Variants in TRAPPC9 observed in about 807,000 individuals in gnomAD.
TRAPPC9 encodes IKK2 binding protein.
TRAPPC9 carries 83 observed loss-of-function variants against 124.0 expected under a neutral mutation model. That is an observed-to-expected ratio of 0.67 (90% confidence interval 0.56 to 0.80). TRAPPC9 has a LOEUF of 0.80. Ranked by LOEUF, TRAPPC9 falls within the 30% of genes least tolerant of loss-of-function variation. The pLI, the probability that TRAPPC9 is intolerant of heterozygous loss-of-function variation, is 0.00. For missense variants in TRAPPC9, 1,302 were observed against 1,508.3 expected (o/e 0.86, Z 2.27); for synonymous variants, 638 against 617.5 (o/e 1.03, Z -0.49).
At chr8:140,039,216 C>T (rs1345913886) in intron 17 of TRAPPC9, among the ~76,000 whole-genome samples, 4 of 152,236 alleles carry the variant, frequency 2.6e-5, no homozygotes, top group Admixed American at 6.5e-5. Flanking sequence ...CATGGGGCCA[C>T]GTGCCCTATT....
chr8:140,314,657 GTTTAAA>G (rs2066397603), intron 9 of TRAPPC9, among the ~76,000 whole-genome samples: 1 of 152,080 alleles, frequency 6.6e-6, no homozygotes, highest in African/African-American at 2.4e-5. Context: ...TGAGACAAAC[GTTTAAA>G]AATTTCACAC....
intron 21 of TRAPPC9, among the ~76,000 whole-genome samples, chr8:139,862,901 C>T (rs1414371204): frequency 3.3e-5 from 5 of 152,206 alleles, no homozygotes; most frequent in African/African-American, 4.8e-5. Flanking sequence ...CTCCGTGTGG[C>T]GCCACCTTTC....
chr8:140,026,881 T>C (rs1163491729), intron 17 of TRAPPC9, among the ~76,000 whole-genome samples: 1 of 152,232 alleles, frequency 6.6e-6, no homozygotes, highest in Admixed American at 6.5e-5. Context: ...AGATTTTTTT[T>C]TAATATTCAA....
At chr8:139,990,499 A>G (rs1837567302) in intron 18 of TRAPPC9, among the ~76,000 whole-genome samples, 1 of 152,210 alleles carries the variant, frequency 6.6e-6, no homozygotes, top group Non-Finnish European at 1.5e-5. Flanking sequence ...CTTTGTCAAA[A>G]GGCCACGGGG....
Position 139,784,620 on chromosome 8 carries a change from T to A in TRAPPC9, c.3056-52418A>T, listed in dbSNP as rs1267343740. On this transcript the variant is annotated intron_variant, in intron 21 of 22. Coordinates refer to ENST00000438773, the MANE Select transcript of TRAPPC9 (RefSeq NM_001160372.4). ...AATAAAAGACTGACATATATATATATATATATATATATATATATATATATA... is the reference window on the plus strand; with the variant it reads ...AATAAAAGACTGACATATATATATAAATATATATATATATATATATATATA... Among the ~76,000 whole-genome samples, 49 of 130,498 alleles carry A rather than the reference T, an allele frequency of 3.8e-4. 1 individual carries two copies. Among genetic ancestry groups the A allele is most frequent in the African/African-American group, 1.3e-3 (47 of 36,922 alleles). 85.6% of individuals were successfully genotyped at this position (130,498 alleles called of 152,430 possible).
chr8:139,951,330 C>G (rs376180442), intron 19 of TRAPPC9, among the ~76,000 whole-genome samples: 1 of 152,200 alleles, frequency 6.6e-6, no homozygotes, highest in African/African-American at 2.4e-5. Flanking sequence ...TGTCGCCTTC[C>G]TATTCAAACC....
intron 21 of TRAPPC9, among the ~76,000 whole-genome samples, chr8:139,820,047 CA>C (rs1255137398): frequency 2.0e-5 from 3 of 147,234 alleles, no homozygotes; most frequent in Non-Finnish European, 4.5e-5. Flanking sequence ...AACTACCGTC[CA>C]AAACCATTAC....
chr8:140,213,321 T>C lies in TRAPPC9; in HGVS notation c.2556+8138A>G, dbSNP rs148558568. ...TTGTCACATCATCTCAGTTTTCACA[T>C]TTATTAGCATAAACTTTTTATAATA... On this transcript the variant is annotated intron_variant, in intron 17 of 22. Coordinates refer to ENST00000438773, the MANE Select transcript of TRAPPC9 (RefSeq NM_001160372.4). 1.5e-4 allele frequency among the ~76,000 whole-genome samples: 23 copies of C among 152,264 alleles called. 1 individual carries two copies. In the East Asian group the frequency reaches 4.4e-3, roughly 29 times the overall value.
At chr8:139,990,251 C>A (rs1035743181) in intron 18 of TRAPPC9, among the ~76,000 whole-genome samples, 1 of 152,204 alleles carries the variant, frequency 6.6e-6, no homozygotes, top group Non-Finnish European at 1.5e-5. Context: ...GAGCCCCCTG[C>A]ACTGGAGACG....
chr8:140,403,422 C>G (rs2069351539), intron 6 of TRAPPC9, among the ~76,000 whole-genome samples: 1 of 145,960 alleles, frequency 6.9e-6, no homozygotes, highest in Non-Finnish European at 1.5e-5. Context: ...GAGCGAGACT[C>G]TGTCTCCATA....
intron 17 of TRAPPC9, among the ~76,000 whole-genome samples, chr8:140,184,001 G>A (rs1404313045): frequency 3.1e-4 from 45 of 144,614 alleles, no homozygotes; most frequent in African/African-American, 1.2e-3. Context: ...GAGGAGGGAG[G>A]GGAGAAGAGA....
At chr8:140,169,084 C>G (rs2061909355) in intron 17 of TRAPPC9, among the ~76,000 whole-genome samples, 1 of 152,028 alleles carries the variant, frequency 6.6e-6, no homozygotes, top group Admixed American at 6.6e-5. Flanking sequence ...GAAATATGAG[C>G]CCAGAGGAGC....
chr8:139,844,127 G>A (rs1027259413), intron 21 of TRAPPC9, among the ~76,000 whole-genome samples: 4 of 151,594 alleles, frequency 2.6e-5, no homozygotes, highest in African/African-American at 9.8e-5. Context: ...TCACCCGCCA[G>A]AGTCATAGAG....
intron 9 of TRAPPC9, among the ~76,000 whole-genome samples, chr8:140,322,082 C>G (rs1430419307): frequency 6.6e-6 from 1 of 152,210 alleles, no homozygotes; most frequent in African/African-American, 2.4e-5. Context: ...CTGTGGAAGG[C>G]TGGGGGCAGG....
At chr8:140,019,139 T>A (rs532505112) in intron 18 of TRAPPC9, among the ~76,000 whole-genome samples, 1 of 152,370 alleles carries the variant, frequency 6.6e-6, no homozygotes, top group East Asian at 1.9e-4. Context: ...AACAACCTCA[T>A]ACTTCTGAGT....
chr8:139,835,617 T>C (rs944862844), intron 21 of TRAPPC9, among the ~76,000 whole-genome samples: 4 of 152,158 alleles, frequency 2.6e-5, no homozygotes, highest in African/African-American at 9.7e-5. Context: ...TGTAAAGCGA[T>C]CAAGTCCCAA....
At chr8:140,196,823 A>C (rs35663008) in intron 17 of TRAPPC9, among the ~76,000 whole-genome samples, 2 of 150,224 alleles carry the variant, frequency 1.3e-5, no homozygotes, top group African/African-American at 5.0e-5. Flanking sequence ...CACTGTACAG[A>C]TCGCACCTGT....
In TRAPPC9 at chr8:140,063,985, G is replaced by A. The variant is rs1261901894; in HGVS notation, c.2557-39906C>T. Among the ~76,000 whole-genome samples, 1 of 151,842 alleles carries A rather than the reference G, an allele frequency of 6.6e-6. No individual in the cohort carries two copies. The highest frequency in any genetic ancestry group is 6.6e-5 in the Admixed American group (1 of 15,240). ...AGCAAAAATTCGACTCTCTGCTGCA[G>A]GCCCTCCTAAAATGGCAGTTCCTCC... On this transcript the variant is annotated intron_variant, in intron 17 of 22. Transcript: ENST00000438773. This position sits in a 1 kb window ranked among gnomAD's most constrained non-coding sequence, Gnocchi z 4.3.
intron 17 of TRAPPC9, among the ~76,000 whole-genome samples, chr8:140,114,332 GAAAAA>G (rs59499088): frequency 2.6e-5 from 3 of 117,042 alleles, no homozygotes; most frequent in South Asian, 6.2e-4. Flanking sequence ...AAGGACTGAA[GAAAAA>G]AAAAAAAAAA....
Sources: allele counts gnomAD v4.1 joint callset (sites outside exome capture counted in the v4.1 genomes callset), GRCh38; gene constraint gnomAD v4.1.1; non-coding constraint Gnocchi (gnomAD v3.1); transcripts MANE v1.5; gene names NCBI Gene and HGNC (gene_info 2026-07-23, HGNC 2026-07-21).